CCDC178: variants seen among roughly 807,000 people sequenced by gnomAD.
CCDC178 encodes coiled-coil domain containing 178.
A neutral mutation model predicts 117.4 loss-of-function variants in CCDC178; 126 were observed. The ratio of observed to expected loss-of-function variants is 1.07; its 90% CI spans 0.93 to 1.24. CCDC178 has a LOEUF of 1.24. Ranked by LOEUF, CCDC178 falls within the 50% of genes most tolerant of loss-of-function variation. CCDC178 has a pLI of 0.00. For missense variants in CCDC178, 1,030 were observed against 986.9 expected, an observed-to-expected ratio of 1.04 and a Z score of -0.59; for synonymous variants, 283 against 313.4, an observed-to-expected ratio of 0.90 and a Z score of 1.02.
At chr18:33,341,987 C>G (rs2062823318) in intron 9 of CCDC178, among the ~76,000 whole-genome samples, 1 of 151,976 alleles carries the variant, frequency 6.6e-6, no homozygotes. Context: ...ATGAAAAACT[C>G]TAACTTGAAA....
intron 5 of CCDC178, among the ~76,000 whole-genome samples, chr18:33,382,662 A>G (rs982196217): frequency 3.3e-5 from 5 of 152,152 alleles, no homozygotes; most frequent in Admixed American, 1.3e-4. Flanking sequence ...CACTTTTCCT[A>G]CGGATTTTTG....
chr18:32,961,998 T>A (rs1268367005), intron 22 of CCDC178, among the ~76,000 whole-genome samples: 1 of 18,004 alleles, frequency 5.6e-5, no homozygotes, highest in East Asian at 1.6e-3. Context: ...TTCTTTACTG[T>A]CTTTTTTTTT....
At chr18:32,997,834 T>A (rs1290464845) in intron 21 of CCDC178, among the ~76,000 whole-genome samples, 1 of 152,128 alleles carries the variant, frequency 6.6e-6, no homozygotes, top group East Asian at 1.9e-4. Context: ...TCATTAGCAA[T>A]AATTCATTTT....
In CCDC178 at chr18:33,026,401, A is replaced by G. The variant is rs150078539; in HGVS notation, c.2389-51720T>C. On this transcript the variant is annotated intron_variant, in intron 21 of 22. Transcript: ENST00000383096. The stretch of plus-strand genomic sequence containing the variant: ...AAAATCTTTCTGCATTATCTCTTAC[A>G]TTGGCATGTGGAACTAAAAATACCT... Among the ~76,000 whole-genome samples the G allele has an allele frequency of 3.7e-3, 561 of 152,214 alleles. 5 individuals are homozygous for G. Among genetic ancestry groups the G allele is most frequent in the African/African-American group, 0.013 (523 of 41,562 alleles).
chr18:33,065,963 G>A (rs1013493345), intron 21 of CCDC178, among the ~76,000 whole-genome samples: 3 of 150,084 alleles, frequency 2.0e-5, no homozygotes, highest in Admixed American at 6.7e-5. Context: ...CCGGGTTCAC[G>A]CCATTCTTCT....
chr18:33,344,840 CACACACACACACACAT>C (rs1323347459), intron 9 of CCDC178, among the ~76,000 whole-genome samples: 85 of 149,414 alleles, frequency 5.7e-4, no homozygotes, highest in African/African-American at 1.9e-3. Flanking sequence ...CACACACACA[CACACACACACACACAT>C]ATATTTATAA....
Position 33,071,595 on chromosome 18 carries a change from T to C in CCDC178, c.2388+21166A>G, listed in dbSNP as rs930035040. Among the ~76,000 whole-genome samples, 5 of 152,004 alleles carry C rather than the reference T, an allele frequency of 3.3e-5. No homozygotes were observed. In the South Asian group the frequency reaches 8.3e-4, roughly 25 times the overall value. ...TACAGGTTACAGAGACAAGAAAAAA[T>C]GGTAGTGAAATCCATCTTGTTTTCA... is the stretch of plus-strand genomic sequence containing the variant. On this transcript the variant is annotated intron_variant, in intron 21 of 22. Coordinates refer to ENST00000383096, the MANE Select transcript of CCDC178 (RefSeq NM_001105528.4).
intron 3 of CCDC178, among the ~76,000 whole-genome samples, chr18:33,407,523 C>T (rs2063797151): frequency 6.6e-6 from 1 of 151,886 alleles, no homozygotes; most frequent in Non-Finnish European, 1.5e-5. Flanking sequence ...AAGGTTAACA[C>T]AAATGAATTA....
At chr18:33,115,105 G>A (rs980405777) in intron 20 of CCDC178, among the ~76,000 whole-genome samples, 10 of 151,990 alleles carry the variant, frequency 6.6e-5, no homozygotes, top group Non-Finnish European at 1.3e-4. Flanking sequence ...TCCATCCTGA[G>A]CTTCTTATTA....
intron 22 of CCDC178, among the ~76,000 whole-genome samples, chr18:32,946,175 C>G (rs2054342583): frequency 6.6e-6 from 1 of 152,124 alleles, no homozygotes; most frequent in Admixed American, 6.5e-5. Flanking sequence ...CAGAGGCCCT[C>G]AAATAATTTT....
At chr18:33,326,825 G>A (rs1023440066) in intron 10 of CCDC178, among the ~76,000 whole-genome samples, 1 of 151,822 alleles carries the variant, frequency 6.6e-6, no homozygotes, top group Non-Finnish European at 1.5e-5. Context: ...AAGACATCAA[G>A]TCTACCTCCC....
chr18:33,105,508 T>G (rs1374594220), intron 20 of CCDC178, among the ~76,000 whole-genome samples: 1 of 151,650 alleles, frequency 6.6e-6, no homozygotes, highest in Non-Finnish European at 1.5e-5. Context: ...CTAATAATTT[T>G]TATATTTTAA....
intron 20 of CCDC178, among the ~76,000 whole-genome samples, chr18:33,096,045 T>C (rs1269873325): frequency 6.6e-6 from 1 of 151,762 alleles, no homozygotes. Flanking sequence ...CTTCCTTCTC[T>C]GTCAGCAAAA....
At chr18:33,097,399 G>A (rs1233756439) in intron 20 of CCDC178, among the ~76,000 whole-genome samples, 1 of 152,078 alleles carries the variant, frequency 6.6e-6, no homozygotes, top group Non-Finnish European at 1.5e-5. Context: ...GTCCAGAAAG[G>A]GTGAAACAGA....
chr18:33,130,276 C>T (rs1331347419), intron 20 of CCDC178, among the ~76,000 whole-genome samples: 1 of 151,878 alleles, frequency 6.6e-6, no homozygotes, highest in Non-Finnish European at 1.5e-5. Context: ...TATCTTTTAA[C>T]AACTGTAGTA....
At chr18:33,109,445 T>C (rs1008371760) in intron 20 of CCDC178, among the ~76,000 whole-genome samples, 2 of 151,664 alleles carry the variant, frequency 1.3e-5, no homozygotes, top group African/African-American at 4.8e-5. Flanking sequence ...ATAAAAAGGT[T>C]GTGGTCGATG....
chr18:33,315,577 C>A (rs999022858), intron 11 of CCDC178, among the ~76,000 whole-genome samples: 21 of 152,242 alleles, frequency 1.4e-4, no homozygotes, highest in Non-Finnish European at 2.6e-4. Flanking sequence ...AAAAGGTAGG[C>A]TTATACCCAG....
intron 22 of CCDC178, among the ~76,000 whole-genome samples, chr18:32,970,108 T>C (rs1385135856): frequency 6.6e-6 from 1 of 151,984 alleles, no homozygotes; most frequent in Non-Finnish European, 1.5e-5. Flanking sequence ...TGTGGTCAAC[T>C]GAAATCCCTA....
chr18:33,261,654 TA>T (rs1384649896), intron 14 of CCDC178, among the ~76,000 whole-genome samples: 1 of 152,206 alleles, frequency 6.6e-6, no homozygotes, highest in Non-Finnish European at 1.5e-5. Flanking sequence ...AATGGTTATA[TA>T]ATCTTTTTCA....
Sources: allele counts gnomAD v4.1 joint callset (sites outside exome capture counted in the v4.1 genomes callset), GRCh38; gene constraint gnomAD v4.1.1; transcripts MANE v1.5; gene names NCBI Gene and HGNC (gene_info 2026-07-23, HGNC 2026-07-21).